Variants in TMC4 observed in about 807,000 individuals in gnomAD.
The protein encoded by TMC4 is transmembrane channel like 4, also known as voltage-gated chloride channel TMC4.
In TMC4, 70 loss-of-function variants were observed where a neutral mutation model predicts 82.0. The observed-to-expected ratio is 0.85, with a 90% CI of 0.70 to 1.04. The LOEUF (loss-of-function observed/expected upper bound fraction) is 1.04, where lower values mean the gene tolerates loss of function less well. Ranked by LOEUF, TMC4 falls within the 50% of genes least tolerant of loss-of-function variation. The pLI is 0.00. For missense variants in TMC4, 879 were observed against 899.0 expected (o/e 0.98, Z 0.28); for synonymous variants, 446 against 406.0 (o/e 1.10, Z -1.18).
chr19:54,162,385 G>GT (rs1491534181), intron 10 of TMC4, 100 bp from the exon 11 acceptor site: 38 of 297,170 alleles, frequency 1.3e-4, no homozygotes, highest in Admixed American at 2.7e-4. Context: ...ATGCGTATTG[G>GT]TGGTGGGGGG....
intron 6 of TMC4, 114 bp from the exon 7 acceptor site, chr19:54,164,715 C>G: frequency 7.2e-7 from 1 of 1,382,534 alleles, no homozygotes; most frequent in Non-Finnish European, 9.9e-7. Context: ...GCAGCCGTCT[C>G]CCCACCCGCT....
chr19:54,170,460 G>T (rs183803430), intron 2 of TMC4, among the ~76,000 whole-genome samples: 181 of 152,198 alleles, frequency 1.2e-3, no homozygotes, highest in African/African-American at 3.9e-3. Context: ...GAGTTTATCT[G>T]GGCTCTCACT....
At chr19:54,164,409 C>A in intron 7 of TMC4, 25 bp downstream of exon 7, 1 of 1,587,714 alleles carries the variant, frequency 6.3e-7, no homozygotes, top group Non-Finnish European at 8.6e-7. Flanking sequence ...GACCCCCTGG[C>A]TTCCTCTTCC....
rs1568750648 is a variant in TMC4 at position 54,169,604 on chromosome 19, C to CG, written c.349dup (p.Arg117ProfsTer52). On this transcript the variant is annotated frameshift_variant, in exon 3 of 15. Transcript: ENST00000619895. LOFTEE classifies it high-confidence loss of function. ...GGACCTCCGAAGTAGCCGCGCCCAT[C>CG]GGTCCGTCTTAGTTCCAGAGCCATA... 1.9e-6 allele frequency: 3 copies of CG among 1,614,036 alleles called. No individual in the cohort carries two copies. The highest frequency in any genetic ancestry group is 2.5e-6 in the Non-Finnish European group (3 of 1,180,034).
At chr19:54,162,460 C>G (rs1210387157) in intron 10 of TMC4, among the ~76,000 whole-genome samples, 175 bp from the exon 11 acceptor site, 2 of 147,900 alleles carry the variant, frequency 1.4e-5, no homozygotes, top group Non-Finnish European at 3.0e-5. Flanking sequence ...GTCCTGAGGA[C>G]TAGAAGGGAC....
At chr19:54,162,610 A>T in intron 10 of TMC4, 63 bp downstream of exon 10, 1 of 1,344,290 alleles carries the variant, frequency 7.4e-7, no homozygotes, top group South Asian at 1.2e-5. Context: ...TGAAAAGAAC[A>T]GCGCGATGGG....
chr19:54,169,955 G>T (rs1410615692), intron 2 of TMC4, among the ~76,000 whole-genome samples: 1 of 149,204 alleles, frequency 6.7e-6, no homozygotes, highest in African/African-American at 2.4e-5. Context: ...AAAAAAATTA[G>T]CTGGGCCTGG....
chr19:54,166,323 C>CAAAAA (rs58329832), intron 5 of TMC4, among the ~76,000 whole-genome samples: 2 of 108,032 alleles, frequency 1.9e-5, no homozygotes, highest in Admixed American at 9.2e-5. Flanking sequence ...AGGTCGCCTC[C>CAAAAA]AAAAAAAAAA....
At chr19:54,164,229 T>A (rs2075644406) in intron 7 of TMC4, among the ~76,000 whole-genome samples, 1 of 152,000 alleles carries the variant, frequency 6.6e-6, no homozygotes, top group Non-Finnish European at 1.5e-5. Flanking sequence ...CGCCTCAGCC[T>A]CCCAAAGTGC....
intron 10 of TMC4, 40 bp downstream of exon 10, chr19:54,162,633 C>A: frequency 6.6e-7 from 1 of 1,525,328 alleles, no homozygotes; most frequent in Non-Finnish European, 9.1e-7. Context: ...ACGGCCTCGT[C>A]CTAGAGGGGC....
chr19:54,160,800 T>C, intron 13 of TMC4, 78 bp downstream of exon 13: 1 of 1,554,234 alleles, frequency 6.4e-7, no homozygotes, highest in East Asian at 2.3e-5. Flanking sequence ...CGCCCAAGCC[T>C]CTCCTCTCTT....
chr19:54,168,240 C>T lies in TMC4; in HGVS notation c.728G>A (p.Arg243His), dbSNP rs147241845. The part of the protein sequence containing the change: ...LFYGFYPPRP[R>H]LAVTYLCWAF... ...CCAGCACAGGTAGGTGACCGCCAGG[C>T]GTGGGCGGGGCGGGTAGAAGCCATA... The change falls in exon 5 of 15, where the codon CGC becomes CAC. Residue 243 changes from arginine to histidine, a missense_variant. Arg to His is a conservative substitution (Grantham distance 29). Coordinates refer to ENST00000619895, the MANE Select transcript of TMC4 (RefSeq NM_144686.4). The T allele has an allele frequency of 8.6e-5, 135 of 1,575,994 alleles. No homozygotes were observed. The Middle Eastern group carries it at 1.7e-3, about 19-fold the overall frequency.
chr19:54,166,342 A>AAC (rs2075704795), intron 5 of TMC4, among the ~76,000 whole-genome samples: 3 of 137,864 alleles, frequency 2.2e-5, no homozygotes, highest in Non-Finnish European at 3.1e-5. Flanking sequence ...AAAAAAAAAA[A>AAC]AAAAGACCCA....
rs768445216 is a variant in TMC4 at position 54,168,546 on chromosome 19, G to C, written c.577C>G (p.Pro193Ala). ...CAGGGCGAGGAGATGTCGGGGCCGG[G>C]AGGGCCTGGGGGAGCGCCTCCCAAC... ...TWLGGAPPGP[P>A]GPDISSPCGS... The change falls in exon 4 of 15, where the codon CCC (proline) becomes GCC (alanine). Residue 193 changes from proline (P) to alanine (A), a missense_variant. Pro to Ala is a conservative substitution (Grantham distance 27). Coordinates refer to ENST00000619895, the MANE Select transcript of TMC4 (RefSeq NM_144686.4). 2.0e-5 allele frequency: 31 copies of C among 1,564,128 alleles called. 1 individual carries two copies. The Admixed American group carries it at 4.8e-4, about 24-fold the overall frequency.
intron 6 of TMC4, 142 bp downstream of exon 6, chr19:54,165,277 T>C (rs947374404): frequency 2.0e-6 from 2 of 1,009,222 alleles, no homozygotes; most frequent in Admixed American, 2.9e-5. Flanking sequence ...AACCTTCTCA[T>C]TCCCCAGGAC....
chr19:54,173,056 G>C lies in TMC4; in HGVS notation c.62C>G (p.Pro21Arg), dbSNP rs2075952648. The change falls in exon 1 of 15, where the codon CCC becomes CGC. Residue 21 changes from proline (P) to arginine (R), a missense_variant. By Grantham distance (103) the Pro-to-Arg change is moderately radical. Coordinates refer to ENST00000619895, the MANE Select transcript of TMC4 (RefSeq NM_144686.4). ...TTCCCTACCTCCTCTGGCCTCCCGG[G>C]GGGCCAGCCACTCCCTAGAGGAGCC... ...AWGSSREWLA[P>R]REARGGPSLS... 1 of 1,613,506 alleles carries C rather than the reference G, an allele frequency of 6.2e-7. No homozygotes were observed. The highest frequency in any genetic ancestry group is 8.5e-7 in the Non-Finnish European group (1 of 1,179,724).
In TMC4 at chr19:54,163,092, C is replaced by G. The variant is rs1442963531; in HGVS notation, c.1345G>C (p.Gly449Arg). 2.5e-6 allele frequency: 4 copies of G among 1,613,904 alleles called. No individual in the cohort carries two copies. Among genetic ancestry groups the G allele is most frequent in the Non-Finnish European group, 3.4e-6 (4 of 1,179,986 alleles). Residue 449 changes from glycine (G) to arginine (R), a missense_variant, in exon 9 of 15, where the codon GGG becomes CGG. Coordinates refer to ENST00000619895, the MANE Select transcript of TMC4 (RefSeq NM_144686.4). ...LFSLWNQITC[G>R]GDSEAEDCKT... is the part of the protein sequence containing the mutation. Reference sequence around the variant, plus strand: ...CAGTCCTCAGCCTCGGAGTCGCCCCCACAAGTGATCTGATTCCAGAGAGAG... The same window carrying G: ...CAGTCCTCAGCCTCGGAGTCGCCCCGACAAGTGATCTGATTCCAGAGAGAG...
rs757569714 is a variant in TMC4 at position 54,172,019 on chromosome 19, A to G, written c.144T>C (p.Pro48=). The change falls in exon 2 of 15, where the codon CCT becomes CCC. Residue 48 remains proline (P), a synonymous_variant. Coordinates refer to ENST00000619895, the MANE Select transcript of TMC4 (RefSeq NM_144686.4). The part of the protein sequence containing the change: ...PSAATLRYRD[P]GVLPWGALEE... ...CCAGCGCCCCCCAAGGCAGCACCCCAGGGTCTCGGTACCGAAGGGTGGCAG... is the reference window on the plus strand; with the variant it reads ...CCAGCGCCCCCCAAGGCAGCACCCCGGGGTCTCGGTACCGAAGGGTGGCAG... 2.0e-5 allele frequency: 32 copies of G among 1,612,852 alleles called. No individual in the cohort carries two copies. In the Admixed American group the frequency reaches 5.3e-4, roughly 27 times the overall value.
intron 5 of TMC4, 88 bp from the exon 6 acceptor site, chr19:54,165,654 G>A (rs1364507920): frequency 6.8e-7 from 1 of 1,461,462 alleles, no homozygotes; most frequent in Non-Finnish European, 9.2e-7. Flanking sequence ...GACAAATGGG[G>A]AAGATGAACC....
Sources: gnomAD v4.1 joint callset for allele counts (sites outside exome capture counted in the v4.1 genomes callset) on GRCh38, gnomAD v4.1.1 for gene constraint, MANE v1.5 for transcripts, NCBI Gene and HGNC (gene_info 2026-07-23, HGNC 2026-07-21) for gene names.